EXOC4: variants seen among roughly 807,000 people sequenced by gnomAD.
EXOC4 encodes exocyst complex component 4.
In EXOC4, 71 loss-of-function variants were observed where a neutral mutation model predicts 107.2. The ratio of observed to expected loss-of-function variants is 0.66; its 90% confidence interval spans 0.55 to 0.81. The LOEUF (loss-of-function observed/expected upper bound fraction) is 0.81, where lower values mean the gene tolerates loss of function less well. Among genes scored for constraint, EXOC4 ranks in the 30% least tolerant of loss-of-function variants. EXOC4 has a pLI of 0.00. For synonymous variants in EXOC4, 456 were observed against 441.2 expected, an observed-to-expected ratio of 1.03 and a Z score of -0.42; for missense variants, 1,108 against 1,189.6, an observed-to-expected ratio of 0.93 and a Z score of 1.01.
chr7:134,070,092 C>T (rs924808384), downstream of EXOC4, among the ~76,000 whole-genome samples: 8 of 152,124 alleles, frequency 5.3e-5, no homozygotes, highest in Admixed American at 2.0e-4. Context: ...CACCTGAGAG[C>T]GATTGTCTTA....
At chr7:133,856,833 G>A (rs1194412716) in intron 11 of EXOC4, among the ~76,000 whole-genome samples, 1 of 151,658 alleles carries the variant, frequency 6.6e-6, no homozygotes, top group Non-Finnish European at 1.5e-5. Flanking sequence ...CTCCACTAAA[G>A]GCCGGGTGTG....
chr7:133,425,974 T>C (rs533873107), intron 7 of EXOC4, among the ~76,000 whole-genome samples: 5 of 152,326 alleles, frequency 3.3e-5, no homozygotes, highest in Admixed American at 1.3e-4. Flanking sequence ...GATGCCTCCC[T>C]GAAATGTGTA....
chr7:133,399,971 T>C (rs1051617525), intron 7 of EXOC4, among the ~76,000 whole-genome samples: 1 of 152,240 alleles, frequency 6.6e-6, no homozygotes, highest in African/African-American at 2.4e-5. Flanking sequence ...CTTTGAATGC[T>C]AGCTAAGGAC....
chr7:133,273,391 G>C (rs1793919278), intron 1 of EXOC4, among the ~76,000 whole-genome samples: 1 of 152,202 alleles, frequency 6.6e-6, no homozygotes, highest in African/African-American at 2.4e-5. Context: ...AGGGTCACCA[G>C]TTTACAGATG....
intron 10 of EXOC4, among the ~76,000 whole-genome samples, chr7:133,793,007 T>A (rs1369446521): frequency 6.6e-6 from 1 of 152,122 alleles, no homozygotes; most frequent in South Asian, 2.1e-4. Context: ...AAGATGCACG[T>A]GGACAATCAC....
chr7:133,553,373 A>G (rs1800628976), intron 9 of EXOC4, among the ~76,000 whole-genome samples: 2 of 152,150 alleles, frequency 1.3e-5, no homozygotes, highest in South Asian at 4.2e-4. Context: ...TAGCCCTGAA[A>G]TAATGTTCTA....
At chr7:134,028,098 A>T (rs929972661) in intron 17 of EXOC4, among the ~76,000 whole-genome samples, 2 of 152,206 alleles carry the variant, frequency 1.3e-5, no homozygotes, top group African/African-American at 4.8e-5. Flanking sequence ...CCTCTGGAGG[A>T]GGAGGGTCAT....
intron 17 of EXOC4, among the ~76,000 whole-genome samples, chr7:134,063,482 T>C (rs7457999): frequency 0.31 from 47,674 of 152,082 alleles, 8,076 homozygotes; most frequent in African/African-American, 0.44. Flanking sequence ...GTCTTTGTGA[T>C]GTGGGCAAGC....
chr7:133,783,860 G>C (rs1253856163), intron 10 of EXOC4, among the ~76,000 whole-genome samples: 1 of 152,108 alleles, frequency 6.6e-6, no homozygotes, highest in African/African-American at 2.4e-5. Context: ...AATTGCACAG[G>C]CCCTTAGTTG....
intron 11 of EXOC4, among the ~76,000 whole-genome samples, chr7:133,833,034 C>T (rs999006409): frequency 6.8e-6 from 1 of 146,346 alleles, no homozygotes; most frequent in African/African-American, 2.4e-5. Context: ...CCAGGAAAAA[C>T]ACTCCCTTAA....
chr7:134,009,514 T>A (rs1794720205), intron 17 of EXOC4, among the ~76,000 whole-genome samples: 1 of 152,170 alleles, frequency 6.6e-6, no homozygotes, highest in Non-Finnish European at 1.5e-5. Flanking sequence ...AGAGAGAAAG[T>A]GAATGAGTGA....
intron 10 of EXOC4, among the ~76,000 whole-genome samples, chr7:133,655,206 ATT>A (rs373709079): frequency 0.016 from 2,370 of 152,234 alleles, 30 homozygotes; most frequent in Non-Finnish European, 0.026. Flanking sequence ...TATTTTAAAA[ATT>A]TTGTTTATAG....
intron 10 of EXOC4, among the ~76,000 whole-genome samples, chr7:133,766,788 ATTGCC>A: frequency 6.6e-6 from 1 of 152,072 alleles, no homozygotes; most frequent in African/African-American, 2.4e-5. Flanking sequence ...TAAAAGTCAA[ATTGCC>A]CAGGTCACTT....
At chr7:133,748,440 C>T (rs1795722256) in intron 10 of EXOC4, among the ~76,000 whole-genome samples, 1 of 152,128 alleles carries the variant, frequency 6.6e-6, no homozygotes, top group South Asian at 2.1e-4. Flanking sequence ...ATGAGAGGAA[C>T]CACATGAAGG....
At chr7:133,426,898 G>C (rs1563061298) in intron 7 of EXOC4, among the ~76,000 whole-genome samples, 1 of 152,138 alleles carries the variant, frequency 6.6e-6, no homozygotes, top group South Asian at 2.1e-4. Flanking sequence ...ACAGGGAATT[G>C]AGCAGTTTAT....
chr7:133,706,212 A>G (rs1370506654), intron 10 of EXOC4, among the ~76,000 whole-genome samples: 2 of 152,186 alleles, frequency 1.3e-5, no homozygotes, highest in Admixed American at 6.5e-5. Flanking sequence ...AAAATTGTGT[A>G]TGAATCCTTT....
chr7:134,006,867 T>C (rs1794653322), intron 16 of EXOC4, among the ~76,000 whole-genome samples: 2 of 152,182 alleles, frequency 1.3e-5, no homozygotes, highest in South Asian at 4.1e-4. Context: ...TCTCTCAACT[T>C]AATTACATGG....
At chr7:133,781,649 G>GTCT (rs1796469452) in intron 10 of EXOC4, among the ~76,000 whole-genome samples, 2 of 152,222 alleles carry the variant, frequency 1.3e-5, no homozygotes, top group Non-Finnish European at 2.9e-5. Context: ...CGTACTTAAA[G>GTCT]CTCGTGGGAG....
intron 9 of EXOC4, among the ~76,000 whole-genome samples, chr7:133,494,993 G>A (rs185115508): frequency 8.5e-5 from 13 of 152,108 alleles, no homozygotes; most frequent in East Asian, 3.9e-4. Flanking sequence ...AAAATTGGGC[G>A]TGGCATGGTG....
Sources: allele counts gnomAD v4.1 joint callset (sites outside exome capture counted in the v4.1 genomes callset), GRCh38; gene constraint gnomAD v4.1.1; transcripts MANE v1.5; gene names NCBI Gene and HGNC (gene_info 2026-07-23, HGNC 2026-07-21).